Variants in RAVER2 observed in about 807,000 individuals in gnomAD.
The protein encoded by RAVER2 is ribonucleoprotein, PTB binding 2, also known as ribonucleoprotein PTB-binding 2.
Under a neutral mutation model 78.1 loss-of-function variants are expected in RAVER2, and 46 were observed. The ratio of observed to expected loss-of-function variants is 0.59; its 90% CI spans 0.46 to 0.75. The LOEUF (loss-of-function observed/expected upper bound fraction) is 0.75. Among genes scored for constraint, RAVER2 ranks in the 30% least tolerant of loss-of-function variants. RAVER2 has a pLI of 0.00. For missense variants in RAVER2, 793 were observed against 837.5 expected (o/e 0.95, Z 0.66); for synonymous variants, 311 against 313.3 (o/e 0.99, Z 0.08).
intron 11 of RAVER2, among the ~76,000 whole-genome samples, chr1:64,820,056 G>A (rs959217090): frequency 6.6e-6 from 1 of 152,176 alleles, no homozygotes; most frequent in African/African-American, 2.4e-5. Flanking sequence ...TAGCAATAGT[G>A]TAAAGGACAA....
rs963293629 is a variant in RAVER2, at chr1:64,745,699, C to T, written c.249+278C>T. ...CTGCTGCCTCCAAGTTCGGCCCGGT[C>T]TTTCCTTCCCCTACGGCCGTAGAGG... On this transcript the variant is annotated intron_variant, in intron 1 of 11. Coordinates refer to ENST00000294428, the Ensembl canonical transcript of RAVER2. This position sits in a 1 kb window ranked among gnomAD's most constrained non-coding sequence, Gnocchi z 4.3. Among the ~76,000 whole-genome samples, 1 of 151,878 alleles carries T rather than the reference C, an allele frequency of 6.6e-6. No homozygotes were observed. Among genetic ancestry groups the T allele is most frequent in the Non-Finnish European group, 1.5e-5 (1 of 67,984 alleles).
At chr1:64,825,576 A>G (rs1653987350) in intron 11 of RAVER2, among the ~76,000 whole-genome samples, 1 of 152,256 alleles carries the variant, frequency 6.6e-6, no homozygotes, top group South Asian at 2.1e-4. Flanking sequence ...TTCACTGTTG[A>G]CATTAACATA....
chr1:64,804,123 G>A (rs565761016), intron 6 of RAVER2, among the ~76,000 whole-genome samples: 14 of 151,960 alleles, frequency 9.2e-5, no homozygotes, highest in South Asian at 8.3e-4. Context: ...TTCCTGGAAC[G>A]CTTCCCACCC....
chr1:64,759,313 G>A (rs1346732879), intron 1 of RAVER2, among the ~76,000 whole-genome samples: 2 of 151,492 alleles, frequency 1.3e-5, no homozygotes, highest in Admixed American at 6.6e-5. Flanking sequence ...TCCGCCTCCC[G>A]GGTTCATGGC....
chr1:64,780,221 C>CA, intron 3 of RAVER2, among the ~76,000 whole-genome samples: 1 of 152,124 alleles, frequency 6.6e-6, no homozygotes, highest in South Asian at 2.1e-4. Flanking sequence ...AACTTGTGGT[C>CA]AAGAGACCAA....
intron 5 of RAVER2, among the ~76,000 whole-genome samples, chr1:64,793,917 A>T (rs1653018775): frequency 1.3e-5 from 2 of 152,140 alleles, no homozygotes; most frequent in African/African-American, 2.4e-5. Flanking sequence ...GTGGTATTTC[A>T]TTCTATAATT....
At chr1:64,769,965 G>A (rs549581353) in intron 2 of RAVER2, among the ~76,000 whole-genome samples, 4 of 151,900 alleles carry the variant, frequency 2.6e-5, no homozygotes, top group South Asian at 2.1e-4. Context: ...TTGGGTTAAC[G>A]CAACATTGTT....
At chr1:64,787,743 C>G (rs1308141215) in intron 4 of RAVER2, among the ~76,000 whole-genome samples, 2 of 152,172 alleles carry the variant, frequency 1.3e-5, no homozygotes, top group South Asian at 2.1e-4. Context: ...ACCTCACTGT[C>G]CTGGCCAAGA....
At position 64,805,071 on chromosome 1, in the gene RAVER2, G is replaced by GGA. The variant is rs775957241; in HGVS notation, c.1379_1380dup (p.Leu461SerfsTer15). On this transcript the variant is annotated frameshift_variant, in exon 8 of 12. Transcript: ENST00000294428. LOFTEE classifies it high-confidence loss of function. ...TAGGGTCAGTGCTTCCATTGAAAAA[G>GGA]GAGTTGGGACATCATCATGGAGAAG... is the stretch of plus-strand genomic sequence containing the variant. 1 of 1,614,036 alleles carries GGA rather than the reference G, an allele frequency of 6.2e-7. No homozygotes were observed. The highest frequency in any genetic ancestry group is 8.5e-7 in the Non-Finnish European group (1 of 1,179,972).
intron 1 of RAVER2, among the ~76,000 whole-genome samples, chr1:64,764,883 A>G (rs570808355): frequency 1.7e-4 from 26 of 152,340 alleles, no homozygotes; most frequent in Non-Finnish European, 7.3e-5. Flanking sequence ...GATAATCTCC[A>G]TTACTCAAGT....
Position 64,824,932 on chromosome 1 carries a change from C to CAAAAAAAAAAAAAAAAAAAAAAAAAA in RAVER2, c.1930-5905_1930-5880dup, listed in dbSNP as rs56179197. ...GGCAACAGAGCGAGACCCTGTCTCCCAAAAAAAAAAAAAAAAAAAAAAAAA... is the reference window on the plus strand; with the variant it reads ...GGCAACAGAGCGAGACCCTGTCTCCCAAAAAAAAAAAAAAAAAAAAAAAAAAAAAAAAAAAAAAAAAAAAAAAAAAA... On this transcript the variant is annotated intron_variant, in intron 11 of 11. Coordinates refer to ENST00000294428, the Ensembl canonical transcript of RAVER2. Among the ~76,000 whole-genome samples, 13 of 79,390 alleles carry CAAAAAAAAAAAAAAAAAAAAAAAAAA rather than the reference C, an allele frequency of 1.6e-4. 2 individuals are homozygous for CAAAAAAAAAAAAAAAAAAAAAAAAAA. Among genetic ancestry groups the CAAAAAAAAAAAAAAAAAAAAAAAAAA allele is most frequent in the African/African-American group, 7.0e-4 (9 of 12,880 alleles). 52.1% of individuals were successfully genotyped at this position (79,390 alleles called of 152,430 possible). A position where few individuals can be genotyped will look rare whatever the true frequency, so the allele number is the denominator to read the frequency against.
At chr1:64,809,292 A>G (rs527394096) in intron 9 of RAVER2, among the ~76,000 whole-genome samples, 59 of 152,322 alleles carry the variant, frequency 3.9e-4, no homozygotes, top group Non-Finnish European at 1.5e-4. Flanking sequence ...AGGATGTTGT[A>G]TTAATAGAAA....
chr1:64,808,670 C>T (rs536148014), intron 9 of RAVER2, among the ~76,000 whole-genome samples: 18 of 152,094 alleles, frequency 1.2e-4, no homozygotes, highest in African/African-American at 3.9e-4. Context: ...CCATGTTGGC[C>T]AGACTGGTCT....
chr1:64,816,273 C>G (rs557402037), intron 11 of RAVER2: 1 of 152,234 alleles, frequency 6.6e-6, no homozygotes, highest in Non-Finnish European at 1.5e-5. Flanking sequence ...ATAATGATGC[C>G]TTTTGCATTA....
At chr1:64,830,882 T>C (rs1197598135) in exon 12 of RAVER2, 6 of 1,612,826 alleles carry the variant, frequency 3.7e-6, no homozygotes, top group Non-Finnish European at 5.1e-6. Flanking sequence ...TCATATCTCA[T>C]CTCTGCCCCA....
intron 9 of RAVER2, among the ~76,000 whole-genome samples, chr1:64,808,643 G>A (rs1392959693): frequency 6.6e-6 from 1 of 151,798 alleles, no homozygotes; most frequent in Non-Finnish European, 1.5e-5. Context: ...TGTATTTTTA[G>A]TAGAGATGGG....
At chr1:64,805,237 A>G (rs953559122) in intron 8 of RAVER2, 132 bp downstream of exon 8, 21 of 805,016 alleles carry the variant, frequency 2.6e-5, no homozygotes, top group Non-Finnish European at 3.5e-5. Flanking sequence ...AAATTTTGAG[A>G]ACCCTCTTGG....
At chr1:64,750,548 C>T (rs1447519848) in intron 1 of RAVER2, among the ~76,000 whole-genome samples, 1 of 151,980 alleles carries the variant, frequency 6.6e-6, no homozygotes, top group Non-Finnish European at 1.5e-5. Flanking sequence ...TTTATAAAAG[C>T]TACGTATTCC....
intron 1 of RAVER2, among the ~76,000 whole-genome samples, chr1:64,760,671 A>G (rs1651995213): frequency 6.6e-6 from 1 of 152,098 alleles, no homozygotes; most frequent in Non-Finnish European, 1.5e-5. Flanking sequence ...TTAATGGGAT[A>G]TATTTAAACA....
Sources: allele counts gnomAD v4.1 joint callset (sites outside exome capture counted in the v4.1 genomes callset), GRCh38; gene constraint gnomAD v4.1.1; non-coding constraint Gnocchi (gnomAD v3.1); transcripts MANE v1.5; gene names NCBI Gene and HGNC (gene_info 2026-07-23, HGNC 2026-07-21).